DGKG: variants seen among roughly 807,000 people sequenced by gnomAD.
DGKG encodes diacylglycerol kinase gamma.
A neutral mutation model predicts 105.3 loss-of-function variants in DGKG; 78 were observed. The observed-to-expected ratio is 0.74, with a 90% CI of 0.62 to 0.89. DGKG has a LOEUF of 0.89. DGKG is among the 40% of genes least tolerant of loss of function. The pLI is 0.00. For missense variants in DGKG, 958 were observed against 1,020.1 expected (o/e 0.94, Z 0.83); for synonymous variants, 346 against 367.1 (o/e 0.94, Z 0.66).
At chr3:186,198,255 C>T (rs1019613857) in intron 21 of DGKG, among the ~76,000 whole-genome samples, 9 of 152,188 alleles carry the variant, frequency 5.9e-5, no homozygotes, top group African/African-American at 2.2e-4. Flanking sequence ...ACCAAATTTC[C>T]AGGATAGGGA....
intron 20 of DGKG, among the ~76,000 whole-genome samples, chr3:186,212,753 C>A (rs557248503): frequency 3.9e-5 from 6 of 152,324 alleles, no homozygotes; most frequent in Admixed American, 3.9e-4. Flanking sequence ...CCTTCCACCC[C>A]AACTGTCACC....
intron 5 of DGKG, among the ~76,000 whole-genome samples, chr3:186,290,669 T>C (rs1723274842): frequency 6.6e-6 from 1 of 152,158 alleles, no homozygotes; most frequent in South Asian, 2.1e-4. Flanking sequence ...AGGCCAACCC[T>C]GGAAGTCTCT....
At chr3:186,310,291 C>CAAAAAAAAAAAAAAAA (rs1724476497) in intron 2 of DGKG, among the ~76,000 whole-genome samples, 3 of 56,758 alleles carry the variant, frequency 5.3e-5, no homozygotes, top group Non-Finnish European at 8.3e-5. Flanking sequence ...AAAAAAAAAC[C>CAAAAAAAAAAAAAAAA]ACACACACAC....
At chr3:186,156,913 A>T (rs914493883) in intron 24 of DGKG, among the ~76,000 whole-genome samples, 5 of 151,966 alleles carry the variant, frequency 3.3e-5, no homozygotes, top group African/African-American at 1.2e-4. Flanking sequence ...TTAGCTTTTT[A>T]TGTTCATAAT....
chr3:186,319,876 C>T (rs964113075), intron 2 of DGKG, among the ~76,000 whole-genome samples: 5 of 152,234 alleles, frequency 3.3e-5, no homozygotes, highest in African/African-American at 9.6e-5. Flanking sequence ...AAGAAACACA[C>T]ATTAGCATTC....
chr3:186,323,640 A>G (rs1338197307), intron 1 of DGKG, among the ~76,000 whole-genome samples: 1 of 152,000 alleles, frequency 6.6e-6, no homozygotes, highest in Non-Finnish European at 1.5e-5. Flanking sequence ...AAAAATACAA[A>G]AATTAGCTGG....
chr3:186,281,877 C>A (rs542887424), intron 7 of DGKG, among the ~76,000 whole-genome samples: 3 of 152,156 alleles, frequency 2.0e-5, no homozygotes, highest in Non-Finnish European at 2.9e-5. Flanking sequence ...CCCCTGAGGT[C>A]TTCCTGGTCA....
intron 9 of DGKG, 43 bp from the exon 10 acceptor site, chr3:186,275,707 G>A: frequency 7.0e-7 from 1 of 1,436,398 alleles, no homozygotes; most frequent in Non-Finnish European, 9.7e-7. Flanking sequence ...TGGCTGCCCT[G>A]AGATGGAGGA....
chr3:186,284,808 C>T lies in DGKG; in HGVS notation c.545-99G>A. On this transcript the variant is annotated intron_variant, in intron 6 of 24. Transcript: ENST00000265022. The surrounding 1 kb of genome is among the most constrained non-coding windows in gnomAD (Gnocchi z 4.0). ...GGTTTTTAGATTAGTTCTGTCACCACTGTGACGAAGGTTATGGCAGCCAGC... is the reference window on the plus strand; with the variant it reads ...GGTTTTTAGATTAGTTCTGTCACCATTGTGACGAAGGTTATGGCAGCCAGC... The T allele has an allele frequency of 2.0e-6, 2 of 979,654 alleles. No homozygotes were observed. The highest frequency in any genetic ancestry group is 1.8e-5 in the Admixed American group (1 of 55,312). The allele number at this position is 979,654 out of a possible 1,614,324, so 60.7% of individuals were successfully genotyped here. A position where few individuals can be genotyped will look rare whatever the true frequency, so the allele number is the denominator to read the frequency against.
chr3:186,342,877 C>A (rs1726150268), intron 1 of DGKG, among the ~76,000 whole-genome samples: 1 of 152,088 alleles, frequency 6.6e-6, no homozygotes, highest in Non-Finnish European at 1.5e-5. Context: ...AGAAATGGTC[C>A]TTTTAAAAAA....
chr3:186,191,477 G>C (rs914448886), intron 21 of DGKG, among the ~76,000 whole-genome samples: 7 of 152,180 alleles, frequency 4.6e-5, no homozygotes, highest in Non-Finnish European at 7.3e-5. Context: ...GGCTTGTCCA[G>C]CAACTTGGAT....
chr3:186,296,845 T>G (rs1284563644), intron 5 of DGKG, among the ~76,000 whole-genome samples: 1 of 152,254 alleles, frequency 6.6e-6, no homozygotes, highest in Non-Finnish European at 1.5e-5. Context: ...AATGAGCAGA[T>G]GCCTGGCAAA....
chr3:186,227,571 G>A (rs888131291), intron 20 of DGKG, among the ~76,000 whole-genome samples: 3 of 152,162 alleles, frequency 2.0e-5, no homozygotes, highest in African/African-American at 7.2e-5. Context: ...AATTTACTGT[G>A]AAATAAGTAA....
rs575254603 is a variant in DGKG, at chr3:186,249,579, C to T, written c.1761+2180G>A. Among the ~76,000 whole-genome samples, 8 of 152,296 alleles carry T rather than the reference C, an allele frequency of 5.3e-5. No individual in the cohort carries two copies. The East Asian group carries it at 7.7e-4, about 15-fold the overall frequency. On this transcript the variant is annotated intron_variant, in intron 19 of 24. Transcript: ENST00000265022. ...AACCTAGGCTGGGCATGGTGGCTCA[C>T]GCCGGTAATCCCAGCACTTTGGGAG...
At chr3:186,163,771 T>C (rs1243053854) in intron 23 of DGKG, among the ~76,000 whole-genome samples, 2 of 152,090 alleles carry the variant, frequency 1.3e-5, no homozygotes, top group African/African-American at 4.8e-5. Flanking sequence ...AGGATCAGGA[T>C]GTTCTGTTCT....
intron 21 of DGKG, among the ~76,000 whole-genome samples, chr3:186,194,232 T>C (rs553477073): frequency 1.5e-3 from 227 of 152,352 alleles, no homozygotes; most frequent in African/African-American, 5.1e-3. Context: ...CACATTTATG[T>C]GCAAATGAGA....
intron 24 of DGKG, 146 bp downstream of exon 24, chr3:186,161,457 G>T: frequency 6.8e-7 from 1 of 1,463,406 alleles, no homozygotes; most frequent in Non-Finnish European, 9.0e-7. Flanking sequence ...TGAGTGGATG[G>T]ATAATAAAGT....
chr3:186,325,790 G>C (rs1002598550), intron 1 of DGKG, among the ~76,000 whole-genome samples: 8 of 151,818 alleles, frequency 5.3e-5, no homozygotes, highest in African/African-American at 1.7e-4. Context: ...TTATTCTGTG[G>C]GTTACAAATC....
At chr3:186,347,114 T>C (rs965375158) in intron 1 of DGKG, among the ~76,000 whole-genome samples, 1 of 152,154 alleles carries the variant, frequency 6.6e-6, no homozygotes, top group Non-Finnish European at 1.5e-5. Context: ...AGCATATATT[T>C]AGAATTGGGT....
Sources: gnomAD v4.1 joint callset for allele counts (sites outside exome capture counted in the v4.1 genomes callset) on GRCh38, gnomAD v4.1.1 for gene constraint, Gnocchi (gnomAD v3.1) non-coding constraint, MANE v1.5 for transcripts, NCBI Gene and HGNC (gene_info 2026-07-23, HGNC 2026-07-21) for gene names.